Variants in SPATA13 observed in about 807,000 individuals in gnomAD.
SPATA13 encodes the protein spermatogenesis associated 13.
In SPATA13, 50 loss-of-function variants were observed where a neutral mutation model predicts 104.0. That is an observed-to-expected ratio of 0.48 (90% CI 0.38 to 0.61). SPATA13 has a LOEUF of 0.61. Ranked by LOEUF, SPATA13 falls within the 20% of genes least tolerant of loss-of-function variation. SPATA13 has a pLI of 0.00. For missense variants in SPATA13, 1,524 were observed against 1,690.6 expected (o/e 0.90, Z 1.73); for synonymous variants, 606 against 667.5 (o/e 0.91, Z 1.42).
chr13:24,133,877 C>T (rs1207667620), intron 3 of SPATA13, among the ~76,000 whole-genome samples: 2 of 152,174 alleles, frequency 1.3e-5, no homozygotes, highest in East Asian at 3.8e-4. Flanking sequence ...ATGTGGCCTC[C>T]AGAAGAAGTG....
chr13:24,027,643 T>C (rs1013625110), intron 3 of SPATA13, among the ~76,000 whole-genome samples: 11 of 152,234 alleles, frequency 7.2e-5, no homozygotes, highest in Admixed American at 4.6e-4. Context: ...TTCATTAATG[T>C]TCAGTTCTTC....
intron 3 of SPATA13, among the ~76,000 whole-genome samples, chr13:24,064,658 G>T (rs1460985367): frequency 1.7e-4 from 26 of 152,154 alleles, no homozygotes; most frequent in Admixed American, 1.7e-3. Context: ...TTGCCAGCTT[G>T]CAGAATTGTG....
intron 2 of SPATA13, among the ~76,000 whole-genome samples, chr13:24,235,689 C>T (rs979569746): frequency 6.6e-6 from 1 of 152,130 alleles, no homozygotes; most frequent in African/African-American, 2.4e-5. Flanking sequence ...CCTAGGAGAT[C>T]GAGGCCACAG....
At chr13:24,202,634 A>G (rs551901037) in intron 1 of SPATA13, among the ~76,000 whole-genome samples, 1 of 145,786 alleles carries the variant, frequency 6.9e-6, no homozygotes, top group Admixed American at 7.2e-5. Context: ...AAATGGAATT[A>G]AAAAGCCTGA....
At chr13:24,231,371 TG>T (rs1390375017) in intron 2 of SPATA13, among the ~76,000 whole-genome samples, 1 of 152,226 alleles carries the variant, frequency 6.6e-6, no homozygotes, top group African/African-American at 2.4e-5. Flanking sequence ...CTTTTGTGAC[TG>T]GCTTCTTTCA....
chr13:24,179,502 T>C (rs1259389587), intron 1 of SPATA13, among the ~76,000 whole-genome samples: 2 of 152,232 alleles, frequency 1.3e-5, no homozygotes, highest in African/African-American at 2.4e-5. Context: ...CCAGTTTCAG[T>C]GTACAGTTCA....
chr13:24,205,524 A>G lies in SPATA13; in HGVS notation c.-111-17295A>G, dbSNP rs930555867. On this transcript the variant is annotated intron_variant, in intron 1 of 12. Coordinates refer to ENST00000382108, the MANE Select transcript of SPATA13 (RefSeq NM_001166271.3). This position sits in a 1 kb window ranked among gnomAD's most constrained non-coding sequence, Gnocchi z 4.1. Reference sequence around the variant, plus strand: ...CCATACTGCTCAAAGCAATTTATCAATTCAATGCTATTCTGATTAAATTAC... The same window carrying G: ...CCATACTGCTCAAAGCAATTTATCAGTTCAATGCTATTCTGATTAAATTAC... Among the ~76,000 whole-genome samples, 2 of 152,218 alleles carry G rather than the reference A, an allele frequency of 1.3e-5. No homozygotes were observed. The highest frequency in any genetic ancestry group is 2.9e-5 in the Non-Finnish European group (2 of 68,036).
intron 1 of SPATA13, among the ~76,000 whole-genome samples, chr13:24,162,839 A>G (rs190899631): frequency 6.6e-6 from 1 of 152,294 alleles, no homozygotes; most frequent in Non-Finnish European, 1.5e-5. Flanking sequence ...CAGACAGTGG[A>G]GCTTCCCTGC....
At chr13:24,129,019 G>A (rs1365641644) in intron 3 of SPATA13, among the ~76,000 whole-genome samples, 1 of 152,228 alleles carries the variant, frequency 6.6e-6, no homozygotes, top group Non-Finnish European at 1.5e-5. Flanking sequence ...CGGGGTAAGT[G>A]ACCCTTTCTG....
intron 3 of SPATA13, among the ~76,000 whole-genome samples, chr13:24,029,718 C>G (rs1877390179): frequency 6.6e-6 from 1 of 152,024 alleles, no homozygotes; most frequent in Non-Finnish European, 1.5e-5. Context: ...TATTTCATCA[C>G]CCAGGTATTA....
chr13:23,983,766 T>C (rs1875018642), exon 2 of SPATA13: 1 of 371,172 alleles, frequency 2.7e-6, no homozygotes, highest in Non-Finnish European at 3.7e-6. Flanking sequence ...CAAGGGAAGA[T>C]GAAGCCTAGT....
chr13:24,114,300 AG>A (rs1463574096), intron 3 of SPATA13, among the ~76,000 whole-genome samples: 23 of 150,554 alleles, frequency 1.5e-4, no homozygotes, highest in Non-Finnish European at 3.3e-4. Context: ...GCTTTCTGAG[AG>A]TTAGAATTGA....
At chr13:23,998,841 A>G (rs1255561901) in intron 2 of SPATA13, among the ~76,000 whole-genome samples, 2 of 151,948 alleles carry the variant, frequency 1.3e-5, no homozygotes, top group East Asian at 1.9e-4. Context: ...ATTCTTGTCC[A>G]TTGAATTATC....
chr13:24,147,995 A>G (rs920114969), intron 3 of SPATA13, among the ~76,000 whole-genome samples: 1 of 152,082 alleles, frequency 6.6e-6, no homozygotes, highest in Non-Finnish European at 1.5e-5. Flanking sequence ...CCATTCATCC[A>G]CCACTGGACA....
chr13:24,038,059 CTG>C (rs1877773354), intron 3 of SPATA13, among the ~76,000 whole-genome samples: 1 of 151,858 alleles, frequency 6.6e-6, no homozygotes, highest in Non-Finnish European at 1.5e-5. Flanking sequence ...TTATAGGCGC[CTG>C]CCACCATGCC....
intron 3 of SPATA13, among the ~76,000 whole-genome samples, chr13:24,035,762 C>T (rs1877655522): frequency 1.3e-5 from 2 of 152,098 alleles, no homozygotes; most frequent in South Asian, 4.1e-4. Flanking sequence ...ACCTGTTCTC[C>T]CAGCACTTTA....
At chr13:24,083,501 C>T (rs754334925) in intron 3 of SPATA13, among the ~76,000 whole-genome samples, 9 of 152,084 alleles carry the variant, frequency 5.9e-5, no homozygotes, top group East Asian at 1.9e-4. Context: ...GCGGAGCTTG[C>T]GGGGAGAATG....
intron 3 of SPATA13, among the ~76,000 whole-genome samples, chr13:24,063,370 C>T (rs915099073): frequency 1.4e-4 from 21 of 152,124 alleles, no homozygotes; most frequent in Non-Finnish European, 2.5e-4. Flanking sequence ...TGTGGGATGG[C>T]TAAATCGAGC....
At chr13:24,276,949 CT>C (rs1440328824) in intron 4 of SPATA13, among the ~76,000 whole-genome samples, 1 of 152,212 alleles carries the variant, frequency 6.6e-6, no homozygotes, top group Non-Finnish European at 1.5e-5. Flanking sequence ...GATTTTTCAG[CT>C]GAACTGCAAA....
Sources: allele counts gnomAD v4.1 joint callset (sites outside exome capture counted in the v4.1 genomes callset), GRCh38; gene constraint gnomAD v4.1.1; non-coding constraint Gnocchi (gnomAD v3.1); transcripts MANE v1.5; gene names NCBI Gene and HGNC (gene_info 2026-07-23, HGNC 2026-07-21).